NUP153: variants seen among roughly 807,000 people sequenced by gnomAD.
NUP153 encodes the protein nuclear pore complex protein Nup153.
In NUP153, 27 loss-of-function variants were observed where a neutral mutation model predicts 134.6. That is an observed-to-expected ratio of 0.20 (90% CI 0.15 to 0.28). The LOEUF (loss-of-function observed/expected upper bound fraction) is 0.28. Ranked by LOEUF, NUP153 falls within the 10% of genes least tolerant of loss-of-function variation. The pLI, the probability that NUP153 is intolerant of heterozygous loss-of-function variation, is 1.00. For synonymous variants in NUP153, 640 were observed against 623.5 expected (o/e 1.03, Z -0.40); for missense variants, 1,821 against 1,731.3 (o/e 1.05, Z -0.92).
In NUP153 at chr6:17,638,860, C is replaced by T. The variant is rs1765695330; in HGVS notation, c.1846+1079G>A. 6.6e-6 allele frequency among the ~76,000 whole-genome samples: 1 copy of T among 152,156 alleles called. No homozygotes were observed. ...TTCTACCATAACTGCATGGAACTGT[C>T]CAAGCTACTGGACTCCTGTAGGCAG... On this transcript the variant is annotated intron_variant, in intron 15 of 21. Coordinates refer to ENST00000262077, the MANE Select transcript of NUP153 (RefSeq NM_005124.4). This position sits in a 1 kb window ranked among gnomAD's most constrained non-coding sequence, Gnocchi z 4.0.
chr6:17,706,183 C>T lies in NUP153; in HGVS notation c.111+94G>A. 9.9e-7 allele frequency: 1 copy of T among 1,013,622 alleles called. No homozygotes were observed. Among genetic ancestry groups the T allele is most frequent in the Non-Finnish European group, 1.5e-6 (1 of 656,806 alleles). The allele number at this position is 1,013,622 out of a possible 1,614,324, so 62.8% of individuals were successfully genotyped here. The stretch of plus-strand genomic sequence containing the variant: ...CGGGCCTTTCCTCAGGCCCTCCTGT[C>T]TGCTCCACGTGGGGCGCCGGGGCCT... On this transcript the variant is annotated intron_variant, in intron 1 of 21. Transcript: ENST00000262077. The surrounding 1 kb of genome is among the most constrained non-coding windows in gnomAD (Gnocchi z 5.9).
chr6:17,692,769 A>G (rs905219362), intron 1 of NUP153, among the ~76,000 whole-genome samples: 7 of 152,180 alleles, frequency 4.6e-5, no homozygotes, highest in African/African-American at 1.7e-4. Flanking sequence ...TAGTAGGATA[A>G]TCTCCAGAGG....
At chr6:17,665,754 T>C (rs1454710608) in intron 8 of NUP153, among the ~76,000 whole-genome samples, 1 of 151,530 alleles carries the variant, frequency 6.6e-6, no homozygotes, top group Non-Finnish European at 1.5e-5. Flanking sequence ...GGACTCCTGC[T>C]CTGTCACCCA....
In NUP153 at chr6:17,706,515, T is replaced by C; in HGVS notation, c.-128A>G. On this transcript the variant is annotated 5_prime_UTR_variant, in exon 1 of 22. Coordinates refer to ENST00000262077, the MANE Select transcript of NUP153 (RefSeq NM_005124.4). The surrounding 1 kb of genome is among the most constrained non-coding windows in gnomAD (Gnocchi z 5.9). ...AAGTCCGCCCGCGCTGTCCACACAGTGGGCACAAGCACCCCAGGAACCGCG... is the reference window on the plus strand; with the variant it reads ...AAGTCCGCCCGCGCTGTCCACACAGCGGGCACAAGCACCCCAGGAACCGCG... The C allele has an allele frequency of 1.5e-6, 1 of 655,662 alleles. No homozygotes were observed. Among genetic ancestry groups the C allele is most frequent in the Admixed American group, 2.9e-5 (1 of 34,446 alleles). The allele number at this position is 655,662 out of a possible 1,614,324, so 40.6% of individuals were successfully genotyped here.
chr6:17,632,227 G>C (rs1765289879), intron 17 of NUP153, among the ~76,000 whole-genome samples: 1 of 152,072 alleles, frequency 6.6e-6, no homozygotes, highest in African/African-American at 2.4e-5. Flanking sequence ...CTTGAACCTG[G>C]GAGGCGGAGA....
chr6:17,634,758 T>C (rs1391937159), intron 16 of NUP153, among the ~76,000 whole-genome samples: 2 of 152,152 alleles, frequency 1.3e-5, no homozygotes, highest in African/African-American at 2.4e-5. Flanking sequence ...ATCTGAATGT[T>C]GACTTCAGCA....
intron 11 of NUP153, 40 bp from the exon 12 acceptor site, chr6:17,649,340 C>T (rs1315301966): frequency 6.3e-7 from 1 of 1,576,324 alleles, no homozygotes; most frequent in Admixed American, 1.8e-5. Flanking sequence ...TCATCTTTCA[C>T]ATCATTCTTT....
chr6:17,675,811 A>G lies in NUP153; in HGVS notation c.335-41T>C. On this transcript the variant is annotated intron_variant, in intron 2 of 21. Transcript: ENST00000262077. The surrounding 1 kb of genome is among the most constrained non-coding windows in gnomAD (Gnocchi z 4.4). Reference sequence around the variant, plus strand: ...TTAATATTATGAATATACAACTTAGAGCGATACACTACCACAAATGGTTTT... The same window carrying G: ...TTAATATTATGAATATACAACTTAGGGCGATACACTACCACAAATGGTTTT... The G allele has an allele frequency of 1.3e-6, 2 of 1,578,388 alleles. No homozygotes were observed. Among genetic ancestry groups the G allele is most frequent in the Non-Finnish European group, 1.7e-6 (2 of 1,147,896 alleles).
At chr6:17,698,022 T>C (rs1160445744) in intron 1 of NUP153, among the ~76,000 whole-genome samples, 1 of 152,212 alleles carries the variant, frequency 6.6e-6, no homozygotes, top group Admixed American at 6.5e-5. Context: ...TTTCTTCACA[T>C]TATCCTTAGC....
At chr6:17,640,102 A>T in intron 14 of NUP153, 38 bp from the exon 15 acceptor site, 1 of 1,421,776 alleles carries the variant, frequency 7.0e-7, no homozygotes, top group Non-Finnish European at 9.4e-7. Flanking sequence ...TATGCCAAAT[A>T]AAACACTGGA....
chr6:17,698,963 C>A (rs1352923133), intron 1 of NUP153, among the ~76,000 whole-genome samples: 1 of 151,470 alleles, frequency 6.6e-6, no homozygotes, highest in Admixed American at 6.6e-5. Context: ...TCTCAGGTAA[C>A]ATGTTTGAAA....
intron 8 of NUP153, among the ~76,000 whole-genome samples, chr6:17,668,447 G>A (rs1029724926): frequency 6.6e-6 from 1 of 151,940 alleles, no homozygotes; most frequent in African/African-American, 2.4e-5. Flanking sequence ...TCCTCAAGAT[G>A]GAAATGCTGA....
intron 2 of NUP153, among the ~76,000 whole-genome samples, chr6:17,679,305 A>G (rs1768429185): frequency 6.6e-6 from 1 of 152,202 alleles, no homozygotes; most frequent in South Asian, 2.1e-4. Flanking sequence ...AAAGAATAAA[A>G]TATTTAGGAA....
At chr6:17,700,572 A>T (rs1264729727) in intron 1 of NUP153, among the ~76,000 whole-genome samples, 1 of 152,228 alleles carries the variant, frequency 6.6e-6, no homozygotes, top group African/African-American at 2.4e-5. Flanking sequence ...TGATTTAAAT[A>T]TTCGACCTCT....
Position 17,637,749 on chromosome 6 carries a change from T to C in NUP153, c.1868A>G (p.Asp623Gly), listed in dbSNP as rs760304403. Residue 623 changes from aspartate to glycine, a missense_variant, in exon 16 of 22, where the codon GAT becomes GGT. Coordinates refer to ENST00000262077, the MANE Select transcript of NUP153 (RefSeq NM_005124.4). ...TGCGGTGGGCTGAGCAGCAACAGAATCTATCTTCGGCGATGCGAAACCTAC... is the reference window on the plus strand; with the variant it reads ...TGCGGTGGGCTGAGCAGCAACAGAACCTATCTTCGGCGATGCGAAACCTAC... ...KSPGFASPKI[D>G]SVAAQPTATS... is the part of the protein sequence containing the mutation. 2 of 1,602,108 alleles carry C rather than the reference T, an allele frequency of 1.2e-6. No homozygotes were observed. The highest frequency in any genetic ancestry group is 1.3e-5 in the African/African-American group (1 of 74,856).
intron 11 of NUP153, among the ~76,000 whole-genome samples, chr6:17,651,252 A>G (rs1766479817): frequency 6.6e-6 from 1 of 152,154 alleles, no homozygotes; most frequent in East Asian, 1.9e-4. Context: ...GTAGTGGGCC[A>G]TGACTGTGCC....
Position 17,628,823 on chromosome 6 carries a change from C to G in NUP153, c.3376G>C (p.Glu1126Gln), listed in dbSNP as rs1765080178. The change falls in exon 18 of 22, where the codon GAG becomes CAG. Residue 1126 changes from glutamate to glutamine, a missense_variant. Transcript: ENST00000262077. The surrounding 1 kb of genome is among the most constrained non-coding windows in gnomAD (Gnocchi z 5.4). ...LVFGKKADNE[E>Q]PKCQPVFSFG... ...GAAAACACTGGTTGACACTTTGGCT[C>G]TTCATTGTCAGCTTTCTTCCCAAAA... The G allele has an allele frequency of 1.2e-6, 2 of 1,614,136 alleles. No homozygotes were observed. Among genetic ancestry groups the G allele is most frequent in the Non-Finnish European group, 1.7e-6 (2 of 1,180,020 alleles).
chr6:17,706,597 G>T lies in NUP153; in HGVS notation c.-210C>A, dbSNP rs1770518638. 2 of 578,318 alleles carry T rather than the reference G, an allele frequency of 3.5e-6. No individual in the cohort carries two copies. The highest frequency in any genetic ancestry group is 6.1e-6 in the Non-Finnish European group (2 of 328,076). 35.8% of individuals were successfully genotyped at this position (578,318 alleles called of 1,614,324 possible). ...TGCTGGCAGCGGGGAAGGGGGTGGC[G>T]GCCGCAGAGGCCGAGGAGGCTCCGG... On this transcript the variant is annotated 5_prime_UTR_variant, in exon 1 of 22. Transcript: ENST00000262077. The surrounding 1 kb of genome is among the most constrained non-coding windows in gnomAD (Gnocchi z 5.9).
At position 17,643,916 on chromosome 6, in the gene NUP153, T is replaced by C. The variant is rs1301531513; in HGVS notation, c.1720+2151A>G. ...TTTTAATGCCTTTCCTCATAATAAGTCATGAAATTGGTAATTTGAAGAAAT... is the reference window on the plus strand; with the variant it reads ...TTTTAATGCCTTTCCTCATAATAAGCCATGAAATTGGTAATTTGAAGAAAT... On this transcript the variant is annotated intron_variant, in intron 14 of 21. Coordinates refer to ENST00000262077, the MANE Select transcript of NUP153 (RefSeq NM_005124.4). 2.0e-5 allele frequency among the ~76,000 whole-genome samples: 3 copies of C among 152,300 alleles called. No homozygotes were observed. In the East Asian group the frequency reaches 5.8e-4, roughly 29 times the overall value.
Sources: allele counts gnomAD v4.1 joint callset (sites outside exome capture counted in the v4.1 genomes callset), GRCh38; gene constraint gnomAD v4.1.1; non-coding constraint Gnocchi (gnomAD v3.1); transcripts MANE v1.5; gene names NCBI Gene and HGNC (gene_info 2026-07-23, HGNC 2026-07-21).